EXOC4: variants seen among roughly 807,000 people sequenced by gnomAD.
The protein encoded by EXOC4 is SEC8-like 1.
EXOC4 carries 71 observed loss-of-function variants against 107.2 expected under a neutral mutation model. That is an observed-to-expected ratio of 0.66 (90% CI 0.55 to 0.81). The LOEUF (loss-of-function observed/expected upper bound fraction) is 0.81, where lower values mean the gene tolerates loss of function less well. Among genes scored for constraint, EXOC4 ranks in the 30% least tolerant of loss-of-function variants. The probability of loss-of-function intolerance (pLI) is 0.00; values close to 1 mark genes in which losing one functional copy is unlikely to be tolerated. For synonymous variants in EXOC4, 456 were observed against 441.2 expected, an observed-to-expected ratio of 1.03 and a Z score of -0.42; for missense variants, 1,108 against 1,189.6, an observed-to-expected ratio of 0.93 and a Z score of 1.01.
rs1268014055 is a variant in EXOC4, at chr7:133,356,517, G to C, written c.951G>C (p.Gln317His). Residue 317 changes from glutamine (Q) to histidine (H), a missense_variant, in exon 6 of 18, where the codon CAG becomes CAC. Gln to His is a conservative substitution (Grantham distance 24). Transcript: ENST00000253861. ...AAATTGTGAAGAGGTCTACAACCCA[G>C]GTGGCAGACAGTGGCTATCAGCGGG... ...LKQIVKRSTTQVADSGYQRGE... is the reference protein window; with the variant it reads ...LKQIVKRSTTHVADSGYQRGE... The C allele has an allele frequency of 1.9e-6, 3 of 1,614,112 alleles. No homozygotes were observed. Among genetic ancestry groups the C allele is most frequent in the Admixed American group, 1.7e-5 (1 of 60,008 alleles).
chr7:134,074,108 A>ATGCTACAGCCCTTGTCTCTTCTCAGCTTT, the EXOC4 span, among the ~76,000 whole-genome samples: 7 of 152,186 alleles, frequency 4.6e-5, no homozygotes, highest in Non-Finnish European at 1.0e-4. Flanking sequence ...GCTACCGTGC[A>ATGCTACAGCCCTTGTCTCTTCTCAGCTTT]TGCTACAGCC....
At chr7:134,070,317 C>T (rs113465963), downstream of EXOC4, among the ~76,000 whole-genome samples, 51 of 133,996 alleles carry the variant, frequency 3.8e-4, no homozygotes, top group Admixed American at 8.2e-4. Flanking sequence ...TAATGAACTG[C>T]GCAGCTGGAA....
chr7:133,573,202 T>A (rs772513095), intron 9 of EXOC4, among the ~76,000 whole-genome samples: 1 of 152,200 alleles, frequency 6.6e-6, no homozygotes. Context: ...TAATCTGTGA[T>A]ATATAGGATA....
intron 9 of EXOC4, among the ~76,000 whole-genome samples, chr7:133,614,525 C>T (rs1324999253): frequency 6.6e-6 from 1 of 151,982 alleles, no homozygotes; most frequent in Non-Finnish European, 1.5e-5. Context: ...ATCAGGGAAT[C>T]ATAAAGACCT....
chr7:133,837,636 A>G lies in EXOC4; in HGVS notation c.1734+20092A>G, dbSNP rs548303730. Among the ~76,000 whole-genome samples the G allele has an allele frequency of 2.1e-4, 32 of 152,320 alleles. No individual in the cohort carries two copies. The East Asian group carries it at 5.4e-3, about 26-fold the overall frequency. ...AGTAACTGAAAGTTATCAAAGCAAC[A>G]AAACTTTCTCTTTCAGATTATTGCC... On this transcript the variant is annotated intron_variant, in intron 11 of 17. Transcript: ENST00000253861.
At chr7:133,687,251 G>A (rs1301877013) in intron 10 of EXOC4, among the ~76,000 whole-genome samples, 1 of 151,916 alleles carries the variant, frequency 6.6e-6, no homozygotes, top group Non-Finnish European at 1.5e-5. Context: ...TTAGGCACTC[G>A]GGAAAGGGTG....
chr7:133,942,113 CTA>C (rs991607237), intron 14 of EXOC4, among the ~76,000 whole-genome samples: 1 of 152,098 alleles, frequency 6.6e-6, no homozygotes, highest in Non-Finnish European at 1.5e-5. Context: ...TAAAAATAGA[CTA>C]CACAGAATTT....
chr7:133,410,073 G>A (rs1381576240), intron 7 of EXOC4, among the ~76,000 whole-genome samples: 1 of 151,976 alleles, frequency 6.6e-6, no homozygotes, highest in African/African-American at 2.4e-5. Flanking sequence ...TTTTACCCAG[G>A]CCTCCCTGCT....
chr7:133,256,305 C>T (rs552240572), intron 1 of EXOC4, among the ~76,000 whole-genome samples: 1 of 152,158 alleles, frequency 6.6e-6, no homozygotes, highest in Non-Finnish European at 1.5e-5. Context: ...CTTAATTCCT[C>T]ATATAAAACT....
At chr7:133,755,925 C>T (rs1795907366) in intron 10 of EXOC4, among the ~76,000 whole-genome samples, 1 of 152,090 alleles carries the variant, frequency 6.6e-6, no homozygotes, top group Admixed American at 6.6e-5. Context: ...CTTATATTAC[C>T]AGAGTCTGCA....
At chr7:133,878,421 A>G (rs1798895075) in intron 11 of EXOC4, among the ~76,000 whole-genome samples, 1 of 152,114 alleles carries the variant, frequency 6.6e-6, no homozygotes, top group African/African-American at 2.4e-5. Flanking sequence ...TGCTTCCTCT[A>G]TTTCCTGTTA....
At chr7:133,863,305 G>C (rs1798572712) in intron 11 of EXOC4, among the ~76,000 whole-genome samples, 1 of 152,074 alleles carries the variant, frequency 6.6e-6, no homozygotes, top group Admixed American at 6.6e-5. Flanking sequence ...AGATAAAATA[G>C]GAGAATATCT....
At position 134,065,113 on chromosome 7, in the gene EXOC4, T is replaced by A. The variant is rs1360396120; in HGVS notation, c.*585T>A. 1 of 152,628 alleles carries A rather than the reference T, an allele frequency of 6.6e-6. No homozygotes were observed. The highest frequency in any genetic ancestry group is 1.5e-5 in the Non-Finnish European group (1 of 68,030). 9.5% of individuals were successfully genotyped at this position (152,628 alleles called of 1,614,324 possible). A position where few individuals can be genotyped will look rare whatever the true frequency, so the allele number is the denominator to read the frequency against. On this transcript the variant is annotated 3_prime_UTR_variant, in exon 18 of 18. Transcript: ENST00000253861. Reference sequence around the variant, plus strand: ...AGAACCTCTAATTTAGGGCTAGGAATAGAAGTCTTTTGATCCCAGTCCCTG... The same window carrying A: ...AGAACCTCTAATTTAGGGCTAGGAAAAGAAGTCTTTTGATCCCAGTCCCTG...
intron 11 of EXOC4, among the ~76,000 whole-genome samples, chr7:133,836,279 AG>A (rs1797916449): frequency 6.6e-6 from 1 of 152,032 alleles, no homozygotes; most frequent in Non-Finnish European, 1.5e-5. Context: ...TAGAATGTTA[AG>A]GCTGGAAGGT....
intron 9 of EXOC4, among the ~76,000 whole-genome samples, chr7:133,587,160 G>A (rs1801427207): frequency 6.6e-6 from 1 of 152,094 alleles, no homozygotes; most frequent in Admixed American, 6.6e-5. Context: ...TGCAGTAGAA[G>A]TGTAGTGACA....
chr7:133,629,548 T>TTGTTTGTG (rs1176852162), intron 9 of EXOC4, among the ~76,000 whole-genome samples: 3 of 151,920 alleles, frequency 2.0e-5, no homozygotes, highest in African/African-American at 7.3e-5. Flanking sequence ...GTTTGTTTGT[T>TTGTTTGTG]TGTTTGTTTT....
intron 2 of EXOC4, among the ~76,000 whole-genome samples, chr7:133,282,907 A>T (rs533931013): frequency 9.2e-5 from 14 of 152,334 alleles, no homozygotes; most frequent in African/African-American, 2.9e-4. Context: ...GAAGTATTGT[A>T]TCCTTTGACC....
At chr7:134,071,008 TC>T (rs1490940822), downstream of EXOC4, among the ~76,000 whole-genome samples, 2 of 152,312 alleles carry the variant, frequency 1.3e-5, no homozygotes, top group Non-Finnish European at 2.9e-5. Flanking sequence ...GTGAGAGAGA[TC>T]AGGAAACCAT....
Position 133,366,683 on chromosome 7 carries a change from CCT to C in EXOC4, c.1008-8139_1008-8138del, listed in dbSNP as rs1329320272. Reference sequence around the variant, plus strand: ...TTACCACCTCTTATCTGTAATCAGGCCTCTCTCCCATTTTGCTGGAGCCCACT... The same window carrying C: ...TTACCACCTCTTATCTGTAATCAGGCCTCTCCCATTTTGCTGGAGCCCACT... On this transcript the variant is annotated intron_variant, in intron 6 of 17. Transcript: ENST00000253861. Among the ~76,000 whole-genome samples the C allele has an allele frequency of 1.4e-4, 21 of 152,258 alleles. No homozygotes were observed. The South Asian group carries it at 2.1e-3, about 15-fold the overall frequency.
Sources: allele counts gnomAD v4.1 joint callset (sites outside exome capture counted in the v4.1 genomes callset), GRCh38; gene constraint gnomAD v4.1.1; transcripts MANE v1.5; gene names NCBI Gene and HGNC (gene_info 2026-07-23, HGNC 2026-07-21).